Variants in ELAVL1 observed in about 807,000 individuals in gnomAD.
ELAVL1 encodes ELAV like RNA binding protein 1.
A neutral mutation model predicts 28.4 loss-of-function variants in ELAVL1; 1 was observed. The ratio of observed to expected loss-of-function variants is 0.04; its 90% CI spans 0.01 to 0.17. The LOEUF (loss-of-function observed/expected upper bound fraction) is 0.17, where lower values mean the gene tolerates loss of function less well. Ranked by LOEUF, ELAVL1 falls within the 10% of genes least tolerant of loss-of-function variation. The pLI, the probability that ELAVL1 is intolerant of heterozygous loss-of-function variation, is 1.00. For missense variants in ELAVL1, 157 were observed against 447.2 expected (o/e 0.35, Z 5.85); for synonymous variants, 174 against 183.5 (o/e 0.95, Z 0.42).
chr19:8,004,358 G>C (rs531617527), intron 1 of ELAVL1, among the ~76,000 whole-genome samples: 2 of 152,316 alleles, frequency 1.3e-5, no homozygotes, highest in Non-Finnish European at 2.9e-5. Context: ...CAGGGCATTA[G>C]AACTTTTGGA....
Position 7,963,419 on chromosome 19 carries a change from CA to C in ELAVL1, c.*63del, listed in dbSNP as rs1984866042. On this transcript the variant is annotated 3_prime_UTR_variant, in exon 6 of 6. Coordinates refer to ENST00000407627, the MANE Select transcript of ELAVL1 (RefSeq NM_001419.3). The surrounding 1 kb of genome is among the most constrained non-coding windows in gnomAD (Gnocchi z 4.5). Reference sequence around the variant, plus strand: ...TGGCGCAAAATGAGTTGTACACTAACAAGAAAAGTTTCAACTCCTTCACTCT... The same window carrying C: ...TGGCGCAAAATGAGTTGTACACTAACAGAAAAGTTTCAACTCCTTCACTCT... 1.3e-6 allele frequency: 2 copies of C among 1,533,220 alleles called. No individual in the cohort carries two copies. Among genetic ancestry groups the C allele is most frequent in the South Asian group, 2.6e-5 (2 of 77,194 alleles). 95.0% of individuals were successfully genotyped at this position (1,533,220 alleles called of 1,614,324 possible). A position where few individuals can be genotyped will look rare whatever the true frequency, so the allele number is the denominator to read the frequency against.
Position 7,979,355 on chromosome 19 carries a change from A to G in ELAVL1, c.276+1728T>C, listed in dbSNP as rs1022386095. 9.2e-5 allele frequency among the ~76,000 whole-genome samples: 14 copies of G among 152,202 alleles called. No individual in the cohort carries two copies. The highest frequency in any genetic ancestry group is 3.4e-4 in the African/African-American group (14 of 41,452). ...TGGGGTCCCGTGAGGCTCTGGCTCC[A>G]AACTCAGGCAGCCACTCCAGCCTTT... On this transcript the variant is annotated intron_variant, in intron 3 of 5. Coordinates refer to ENST00000407627, the MANE Select transcript of ELAVL1 (RefSeq NM_001419.3). The surrounding 1 kb of genome is among the most constrained non-coding windows in gnomAD (Gnocchi z 5.4).
chr19:7,981,040 G>A lies in ELAVL1; in HGVS notation c.276+43C>T. Reference sequence around the variant, plus strand: ...TGGGCGGGGCTCAGCACAGACCTGTGCCCAGGGCAGGAATGGATGCGGTGG... The same window carrying A: ...TGGGCGGGGCTCAGCACAGACCTGTACCCAGGGCAGGAATGGATGCGGTGG... On this transcript the variant is annotated intron_variant, in intron 3 of 5. Transcript: ENST00000407627. This position sits in a 1 kb window ranked among gnomAD's most constrained non-coding sequence, Gnocchi z 4.2. 3.1e-6 allele frequency: 5 copies of A among 1,596,172 alleles called. No individual in the cohort carries two copies. Among genetic ancestry groups the A allele is most frequent in the Non-Finnish European group, 4.3e-6 (5 of 1,164,426 alleles).
intron 1 of ELAVL1, chr19:8,002,201 C>T (rs896691189): frequency 6.0e-6 from 7 of 1,162,510 alleles, no homozygotes; most frequent in Non-Finnish European, 8.0e-6. Flanking sequence ...CACCTCCGGG[C>T]TTGGCTGTAT....
Position 7,982,974 on chromosome 19 carries a change from G to A in ELAVL1, c.173-1788C>T, listed in dbSNP as rs760716618. On this transcript the variant is annotated intron_variant, in intron 2 of 5. Transcript: ENST00000407627. This position sits in a 1 kb window ranked among gnomAD's most constrained non-coding sequence, Gnocchi z 4.3. ...TGGTGCTGACCGTGATCACTGGGCC[G>A]AGGCAGTCAGTTTGCCAGGTTTCTT... is the stretch of plus-strand genomic sequence containing the variant. Among the ~76,000 whole-genome samples the A allele has an allele frequency of 6.6e-6, 1 of 152,180 alleles. No individual in the cohort carries two copies. The highest frequency in any genetic ancestry group is 6.5e-5 in the Admixed American group (1 of 15,276).
In ELAVL1 at chr19:7,991,264, C is replaced by T. The variant is rs555238951; in HGVS notation, c.172+380G>A. Among the ~76,000 whole-genome samples the T allele has an allele frequency of 1.0e-3, 155 of 152,304 alleles. 1 individual carries two copies. Among genetic ancestry groups the T allele is most frequent in the African/African-American group, 3.2e-3 (135 of 41,576 alleles). On this transcript the variant is annotated intron_variant, in intron 2 of 5. Transcript: ENST00000407627. ...CAGGGGCAGGCCTACCTGCACCTGC[C>T]CTGGACAGTACACTCGCCAGGGTCC...
At chr19:7,976,501 T>C (rs1287620602) in intron 3 of ELAVL1, among the ~76,000 whole-genome samples, 1 of 152,150 alleles carries the variant, frequency 6.6e-6, no homozygotes, top group Non-Finnish European at 1.5e-5. Flanking sequence ...TGTGTGAAGA[T>C]GGAGGCAGAC....
At chr19:7,983,099 T>C (rs1319227005) in intron 2 of ELAVL1, among the ~76,000 whole-genome samples, 1 of 152,202 alleles carries the variant, frequency 6.6e-6, no homozygotes, top group Non-Finnish European at 1.5e-5. Context: ...GTAGCAGCTA[T>C]AGAAATGACG....
intron 2 of ELAVL1, among the ~76,000 whole-genome samples, chr19:7,988,000 T>C (rs1457401220): frequency 6.6e-6 from 1 of 152,064 alleles, no homozygotes; most frequent in Non-Finnish European, 1.5e-5. Flanking sequence ...GTGAGGACAG[T>C]GGTCTTCAGG....
chr19:8,004,655 C>T (rs1233896810), intron 1 of ELAVL1, among the ~76,000 whole-genome samples: 3 of 152,172 alleles, frequency 2.0e-5, no homozygotes, highest in African/African-American at 4.8e-5. Context: ...TCATTCTCCT[C>T]ATCTTCCCAT....
intron 4 of ELAVL1, among the ~76,000 whole-genome samples, chr19:7,972,617 CTTTT>C (rs144565509): frequency 1.4e-5 from 2 of 146,332 alleles, no homozygotes; most frequent in South Asian, 4.3e-4. Context: ...GTGCAGCAGC[CTTTT>C]TTTTTCTTTT....
At chr19:7,969,112 G>A (rs553101823) in intron 4 of ELAVL1, among the ~76,000 whole-genome samples, 2 of 152,322 alleles carry the variant, frequency 1.3e-5, no homozygotes, top group East Asian at 3.9e-4. Flanking sequence ...CATGCCTGTG[G>A]TCTCAACTAC....
At chr19:7,991,887 G>C in intron 1 of ELAVL1, 56 bp from the exon 2 acceptor site, 1 of 1,357,160 alleles carries the variant, frequency 7.4e-7, no homozygotes, top group South Asian at 1.5e-5. Flanking sequence ...AGTATATGAA[G>C]GCAAAACTAG....
At chr19:7,978,501 G>A (rs1477068001) in intron 3 of ELAVL1, among the ~76,000 whole-genome samples, 4 of 152,182 alleles carry the variant, frequency 2.6e-5, no homozygotes, top group African/African-American at 9.7e-5. Flanking sequence ...GAGCCTCCTG[G>A]CAGGTGCACA....
intron 2 of ELAVL1, among the ~76,000 whole-genome samples, chr19:7,984,664 A>G (rs1900367816): frequency 6.6e-6 from 1 of 152,098 alleles, no homozygotes; most frequent in African/African-American, 2.4e-5. Flanking sequence ...GAGCCTTGTG[A>G]GTCAAGGCCT....
chr19:8,002,421 G>A (rs2081071241), intron 1 of ELAVL1, among the ~76,000 whole-genome samples: 1 of 152,172 alleles, frequency 6.6e-6, no homozygotes, highest in South Asian at 2.1e-4. Flanking sequence ...AGAGCCTAGC[G>A]GGGGCCCAGG....
chr19:8,003,061 T>A (rs544711857), intron 1 of ELAVL1, among the ~76,000 whole-genome samples: 10 of 152,032 alleles, frequency 6.6e-5, no homozygotes, highest in Non-Finnish European at 1.5e-4. Context: ...TTTCATAAAG[T>A]TTTTTCATAA....
At chr19:7,984,321 TGACAAGCATTAA>T (rs1468519984) in intron 2 of ELAVL1, among the ~76,000 whole-genome samples, 1 of 152,120 alleles carries the variant, frequency 6.6e-6, no homozygotes, top group East Asian at 1.9e-4. Context: ...GGTGAGAAAC[TGACAAGCATTAA>T]GACAGGGGTC....
At chr19:7,968,674 A>G (rs117495972) in intron 4 of ELAVL1, among the ~76,000 whole-genome samples, 2,683 of 152,360 alleles carry the variant, frequency 0.018, 40 homozygotes, top group Middle Eastern at 0.037. Context: ...TGGACGGAGC[A>G]GTGTGAGACC....
Sources: allele counts gnomAD v4.1 joint callset (sites outside exome capture counted in the v4.1 genomes callset), GRCh38; gene constraint gnomAD v4.1.1; non-coding constraint Gnocchi (gnomAD v3.1); transcripts MANE v1.5; gene names NCBI Gene and HGNC (gene_info 2026-07-23, HGNC 2026-07-21).